Variants in COL6A2 observed in about 807,000 individuals in gnomAD.
COL6A2 encodes collagen alpha-2(VI) chain.
In COL6A2, 90 loss-of-function variants were observed where a neutral mutation model predicts 124.9. That is an observed-to-expected ratio of 0.72 (90% CI 0.61 to 0.86). The LOEUF (loss-of-function observed/expected upper bound fraction) is 0.86, where lower values mean the gene tolerates loss of function less well. Among genes scored for constraint, COL6A2 ranks in the 40% least tolerant of loss-of-function variants. COL6A2 has a pLI of 0.00. For synonymous variants in COL6A2, 793 were observed against 618.2 expected (o/e 1.28, Z -4.19); for missense variants, 1,607 against 1,502.5 (o/e 1.07, Z -1.15).
At position 46,125,237 on chromosome 21, in the gene COL6A2, G is replaced by C. The variant is rs753306375; in HGVS notation, c.1771-29G>C. 6 of 1,609,238 alleles carry C rather than the reference G, an allele frequency of 3.7e-6. No homozygotes were observed. The South Asian group carries it at 5.5e-5, about 15-fold the overall frequency. On this transcript the variant is annotated intron_variant, in intron 23 of 27. Transcript: ENST00000300527. ...GGAAACTCTTCTGGGGCCCCGGGGG[G>C]ACTACCCTGCCTGCCGTGTGCATTG...
chr21:46,120,109 A>ACTCACACCCCCGGCCCACTGAGGCACCT (rs1568932868), intron 15 of COL6A2, among the ~76,000 whole-genome samples: 2 of 52,648 alleles, frequency 3.8e-5, no homozygotes, highest in Non-Finnish European at 4.6e-5. Context: ...CTGAGGCACC[A>ACTCACACCCCCGGCCCACTGAGGCACCT]CTCACACCCC....
rs575020144 is a variant in COL6A2 at position 46,111,247 on chromosome 21, C to T, written c.-27-203C>T. On this transcript the variant is annotated intron_variant, in intron 1 of 27. Coordinates refer to ENST00000300527, the MANE Select transcript of COL6A2 (RefSeq NM_001849.4). ...AGAGGCACCCACTAAACATCTGTGA[C>T]CCCACCCAGGGTGGGGCAAGAGGGC... is the stretch of plus-strand genomic sequence containing the variant. Among the ~76,000 whole-genome samples, 13 of 152,372 alleles carry T rather than the reference C, an allele frequency of 8.5e-5. No individual in the cohort carries two copies. In the South Asian group the frequency reaches 1.9e-3, roughly 22 times the overall value.
rs1300707101 is a variant in COL6A2, at chr21:46,123,917, AGAG to A, written c.1672-731_1672-729del. Among the ~76,000 whole-genome samples the A allele has an allele frequency of 1.2e-4, 15 of 126,760 alleles. No individual in the cohort carries two copies. The South Asian group carries it at 1.7e-3, about 15-fold the overall frequency. The allele number at this position is 126,760 out of a possible 152,430, so 83.2% of individuals were successfully genotyped here. A position where few individuals can be genotyped will look rare whatever the true frequency, so the allele number is the denominator to read the frequency against. On this transcript the variant is annotated intron_variant, in intron 21 of 27. Transcript: ENST00000300527. ...TGGATAGATGGATGGGTGGGTGGATAGAGGATGGATGGTTGGGTAGGTGATGGG... is the reference window on the plus strand; with the variant it reads ...TGGATAGATGGATGGGTGGGTGGATAGATGGATGGTTGGGTAGGTGATGGG...
chr21:46,121,644 G>GTATT (rs756945458), intron 18 of COL6A2, 26 bp downstream of exon 18: 1 of 1,611,214 alleles, frequency 6.2e-7, no homozygotes, highest in Non-Finnish European at 8.5e-7. Context: ...CCAGCAGGAC[G>GTATT]TATTAGGGGT....
chr21:46,119,440 T>C (rs1323140103), intron 14 of COL6A2, among the ~76,000 whole-genome samples: 1 of 152,182 alleles, frequency 6.6e-6, no homozygotes, highest in Non-Finnish European at 1.5e-5. Context: ...GCATGGGGCC[T>C]GCCTGGGAGT....
Position 46,120,627 on chromosome 21 carries a change from G to A in COL6A2, c.1395+50G>A, listed in dbSNP as rs915262990. On this transcript the variant is annotated intron_variant, in intron 16 of 27. Coordinates refer to ENST00000300527, the MANE Select transcript of COL6A2 (RefSeq NM_001849.4). ...CCCAAGGTAGGGGATCTGAGGGGGT[G>A]CAGGGGGGCTGCACCCCAAGGTAGG... The A allele has an allele frequency of 1.3e-5, 18 of 1,426,274 alleles. No homozygotes were observed. The East Asian group carries it at 3.3e-4, about 26-fold the overall frequency. 88.4% of individuals were successfully genotyped at this position (1,426,274 alleles called of 1,614,324 possible). A position where few individuals can be genotyped will look rare whatever the true frequency, so the allele number is the denominator to read the frequency against.
intron 17 of COL6A2, 56 bp downstream of exon 17, chr21:46,121,179 AT>A (rs2078560513): frequency 6.5e-7 from 1 of 1,529,590 alleles, no homozygotes; most frequent in East Asian, 2.3e-5. Context: ...GGTCTCCCCT[AT>A]CCATGTGGGG....
intron 27 of COL6A2, chr21:46,129,347 G>A (rs755990233): frequency 6.2e-6 from 10 of 1,612,832 alleles, no homozygotes; most frequent in Admixed American, 3.3e-5. Context: ...CCCAGCTGGT[G>A]GCCGTGCTGG....
At chr21:46,118,761 C>A (rs1281221869) in intron 13 of COL6A2, 85 bp downstream of exon 13, 5 of 1,462,258 alleles carry the variant, frequency 3.4e-6, no homozygotes, top group Non-Finnish European at 4.7e-6. Context: ...TGGCCACCAT[C>A]TCTGCTGTCA....
chr21:46,119,237 C>A, intron 14 of COL6A2, 118 bp downstream of exon 14: 1 of 796,448 alleles, frequency 1.3e-6, no homozygotes, highest in Non-Finnish European at 2.1e-6. Flanking sequence ...TGGCAAGGCA[C>A]AGCCAGGCCC....
rs1012333839 is a variant in COL6A2, at chr21:46,107,202, TCTAA to T, written c.-27-4245_-27-4242del. Among the ~76,000 whole-genome samples, 21 of 152,306 alleles carry T rather than the reference TCTAA, an allele frequency of 1.4e-4. No individual in the cohort carries two copies. In the South Asian group the frequency reaches 2.1e-3, roughly 15 times the overall value. On this transcript the variant is annotated intron_variant, in intron 1 of 27. Coordinates refer to ENST00000300527, the MANE Select transcript of COL6A2 (RefSeq NM_001849.4). Reference sequence around the variant, plus strand: ...TAACTGGTTGTTAGAAAATGTTTCTTCTAACTGATAGAAGAAAATCAATAACTTT... The same window carrying T: ...TAACTGGTTGTTAGAAAATGTTTCTTCTGATAGAAGAAAATCAATAACTTT...
At chr21:46,126,976 C>CA (rs1487170738) in intron 27 of COL6A2, among the ~76,000 whole-genome samples, 4 of 151,474 alleles carry the variant, frequency 2.6e-5, no homozygotes, top group Non-Finnish European at 5.9e-5. Context: ...GGTCTTGCTC[C>CA]AACCCTGGCC....
At chr21:46,111,292 T>C in intron 1 of COL6A2, 158 bp from the exon 2 acceptor site, 3 of 583,728 alleles carry the variant, frequency 5.1e-6, no homozygotes, top group Non-Finnish European at 9.3e-6. Context: ...CCAGTCCAGA[T>C]GCTGGTGACG....
At chr21:46,125,697 C>G in intron 25 of COL6A2, 80 bp downstream of exon 25, 2 of 1,590,218 alleles carry the variant, frequency 1.3e-6, no homozygotes, top group Non-Finnish European at 8.6e-7. Flanking sequence ...GAAGTCCAGA[C>G]GCGTCCCTCC....
At chr21:46,123,464 G>A (rs1239261754) in intron 21 of COL6A2, among the ~76,000 whole-genome samples, 2 of 152,148 alleles carry the variant, frequency 1.3e-5, no homozygotes, top group Non-Finnish European at 2.9e-5. Context: ...CAGGGCTGCA[G>A]GTTGGTCTGG....
chr21:46,132,296 G>C lies in COL6A2; in HGVS notation c.2804G>C (p.Gly935Ala). 6.2e-7 allele frequency: 1 copy of C among 1,606,106 alleles called. No homozygotes were observed. The highest frequency in any genetic ancestry group is 1.3e-5 in the African/African-American group (1 of 74,996). ...INAIVRSPRG[G>A]ARRHAELSFV... ...GCCATCGTGCGCAGCCCGCGTGGCG[G>C]GGCCCGGAGGCACGCAGAGCTGTCC... is the stretch of plus-strand genomic sequence containing the variant. The change falls in exon 28 of 28, where the codon GGG (glycine) becomes GCG (alanine). Residue 935 changes from glycine to alanine, a missense_variant. Transcript: ENST00000300527.
At chr21:46,118,763 C>G in intron 13 of COL6A2, 87 bp downstream of exon 13, 1 of 1,455,754 alleles carries the variant, frequency 6.9e-7, no homozygotes, top group East Asian at 2.4e-5. Flanking sequence ...GCCACCATCT[C>G]TGCTGTCACC....
At chr21:46,100,979 TC>T (rs1257078710) in intron 1 of COL6A2, among the ~76,000 whole-genome samples, 4 of 152,224 alleles carry the variant, frequency 2.6e-5, no homozygotes, top group African/African-American at 9.7e-5. Flanking sequence ...CCTCACTGTT[TC>T]CCACGGTGGC....
rs201875609 is a variant in COL6A2, at chr21:46,132,554, G to A, written c.*2G>A. The A allele has an allele frequency of 3.8e-5, 61 of 1,591,896 alleles. No individual in the cohort carries two copies. In the African/African-American group the frequency reaches 4.4e-4, roughly 12 times the overall value. On this transcript the variant is annotated 3_prime_UTR_variant, in exon 28 of 28. Transcript: ENST00000300527. ...CGCTTCATCCGCTGGATCTGCTAGC[G>A]CCGCCGCCCGGGCCCCGCAGTCGAG...
Sources: gnomAD v4.1 joint callset for allele counts (sites outside exome capture counted in the v4.1 genomes callset) on GRCh38, gnomAD v4.1.1 for gene constraint, MANE v1.5 for transcripts, NCBI Gene and HGNC (gene_info 2026-07-23, HGNC 2026-07-21) for gene names.